GNG4: variants seen among roughly 807,000 people sequenced by gnomAD.
The protein encoded by GNG4 is guanine nucleotide-binding protein G(I)/G(S)/G(O) subunit gamma-4.
In GNG4, 4 loss-of-function variants were observed where a neutral mutation model predicts 5.8. The ratio of observed to expected loss-of-function variants is 0.69; its 90% CI spans 0.34 to 1.57. The LOEUF is 1.57. Among genes scored for constraint, GNG4 ranks in the 40% most tolerant of loss-of-function variants. The pLI is 0.06. For missense variants in GNG4, 96 were observed against 95.1 expected (o/e 1.01, Z -0.04); for synonymous variants, 29 against 32.9 (o/e 0.88, Z 0.41).
At position 235,589,765 on chromosome 1, in the gene GNG4, T is replaced by C. The variant is rs578251905; in HGVS notation, c.-11+5635A>G. On this transcript the variant is annotated intron_variant, in intron 2 of 3. Transcript: ENST00000391854. ...GTTGTGTTTGCAGCTGCCAGAGCCATAAAACCACTGGGGAATCAACCAAGG... is the reference window on the plus strand; with the variant it reads ...GTTGTGTTTGCAGCTGCCAGAGCCACAAAACCACTGGGGAATCAACCAAGG... Among the ~76,000 whole-genome samples the C allele has an allele frequency of 2.4e-4, 37 of 152,280 alleles. No homozygotes were observed. In the South Asian group the frequency reaches 7.7e-3, roughly 32 times the overall value.
intron 2 of GNG4, among the ~76,000 whole-genome samples, chr1:235,591,043 A>G (rs1687949022): frequency 6.6e-6 from 1 of 152,188 alleles, no homozygotes; most frequent in African/African-American, 2.4e-5. Context: ...CACGGACCAC[A>G]CTTTGAGTAG....
chr1:235,648,619 T>A lies in GNG4; in HGVS notation c.-123+1043A>T, dbSNP rs2102993019. ...GAGGCATTCGCCGCTGCAAATTTCC[T>A]GTCCACTGTGGGAAGCGGCACACCT... On this transcript the variant is annotated intron_variant, in intron 1 of 3. Coordinates refer to ENST00000391854, the MANE Select transcript of GNG4 (RefSeq NM_001098722.2). The surrounding 1 kb of genome is among the most constrained non-coding windows in gnomAD (Gnocchi z 5.0). Among the ~76,000 whole-genome samples the A allele has an allele frequency of 6.6e-6, 1 of 152,352 alleles. No individual in the cohort carries two copies. Among genetic ancestry groups the A allele is most frequent in the East Asian group, 1.9e-4 (1 of 5,176 alleles).
rs116732498 is a variant in GNG4 at position 235,588,681 on chromosome 1, G to A, written c.-10-4833C>T. Among the ~76,000 whole-genome samples, 376 of 151,576 alleles carry A rather than the reference G, an allele frequency of 2.5e-3. 1 individual carries two copies. The highest frequency in any genetic ancestry group is 8.8e-3 in the African/African-American group (365 of 41,282). ...GAGCTACCTGGCAATAGGACTCCTT[G>A]CCCCAAATCATCTCCCCCTCCCTTC... On this transcript the variant is annotated intron_variant, in intron 2 of 3. Coordinates refer to ENST00000391854, the MANE Select transcript of GNG4 (RefSeq NM_001098722.2).
intron 3 of GNG4, among the ~76,000 whole-genome samples, chr1:235,572,084 C>T (rs1301831272): frequency 1.3e-5 from 2 of 152,198 alleles, no homozygotes; most frequent in Non-Finnish European, 2.9e-5. Context: ...GATCCTCCTG[C>T]CTTGGCCTCC....
intron 1 of GNG4, among the ~76,000 whole-genome samples, chr1:235,600,466 G>A (rs1688236132): frequency 6.6e-6 from 1 of 150,784 alleles, no homozygotes; most frequent in South Asian, 2.1e-4. Context: ...AAGAGAGAGG[G>A]TCTTGCTCTG....
At chr1:235,555,593 C>A (rs1282060107) in intron 3 of GNG4, among the ~76,000 whole-genome samples, 1 of 150,982 alleles carries the variant, frequency 6.6e-6, no homozygotes, top group Non-Finnish European at 1.5e-5. Context: ...GCAGGGACAT[C>A]GCTTGAGTCC....
At chr1:235,562,683 AAAG>A (rs1170690111) in intron 3 of GNG4, among the ~76,000 whole-genome samples, 59 of 151,422 alleles carry the variant, frequency 3.9e-4, no homozygotes, top group African/African-American at 1.1e-3. Flanking sequence ...GAAAAAAAAA[AAAG>A]AAGAAAATTT....
intron 3 of GNG4, among the ~76,000 whole-genome samples, chr1:235,569,812 C>T (rs182959727): frequency 1.9e-3 from 286 of 152,030 alleles, no homozygotes; most frequent in African/African-American, 6.3e-3. Context: ...GTGATCCGTC[C>T]GCCTCGGCCT....
chr1:235,599,607 C>A (rs1688209279), intron 1 of GNG4, among the ~76,000 whole-genome samples: 1 of 152,280 alleles, frequency 6.6e-6, no homozygotes, highest in Non-Finnish European at 1.5e-5. Context: ...TGAGGCATTG[C>A]ACCCAGCCGA....
chr1:235,575,672 C>T (rs1687465971), intron 3 of GNG4, among the ~76,000 whole-genome samples: 2 of 152,208 alleles, frequency 1.3e-5, no homozygotes, highest in Non-Finnish European at 2.9e-5. Flanking sequence ...TTGGCCATTC[C>T]ATCAGTTGCT....
chr1:235,590,512 A>C (rs561501337), intron 2 of GNG4, among the ~76,000 whole-genome samples: 2 of 152,114 alleles, frequency 1.3e-5, no homozygotes, highest in African/African-American at 4.8e-5. Context: ...CTCAGTAACT[A>C]AAGGAAGAGA....
intron 3 of GNG4, among the ~76,000 whole-genome samples, chr1:235,568,936 C>T (rs1213344124): frequency 6.6e-6 from 1 of 152,000 alleles, no homozygotes; most frequent in Non-Finnish European, 1.5e-5. Flanking sequence ...AAGCAATTCT[C>T]CTGCCTCAGC....
intron 3 of GNG4, among the ~76,000 whole-genome samples, chr1:235,555,851 A>C (rs1012000672): frequency 3.3e-5 from 5 of 152,066 alleles, no homozygotes; most frequent in African/African-American, 1.2e-4. Context: ...TAAAAACATA[A>C]AATTTACTCT....
intron 1 of GNG4, among the ~76,000 whole-genome samples, chr1:235,635,718 A>T (rs1451876617): frequency 1.3e-5 from 2 of 152,076 alleles, no homozygotes; most frequent in South Asian, 2.1e-4. Flanking sequence ...ACATGGCTGT[A>T]TTTTCAGTAT....
intron 2 of GNG4, among the ~76,000 whole-genome samples, chr1:235,593,276 T>A (rs556204943): frequency 6.6e-6 from 1 of 152,184 alleles, no homozygotes; most frequent in Admixed American, 6.5e-5. Flanking sequence ...ATGGGCTGCA[T>A]CTTGCAGCAC....
intron 3 of GNG4, among the ~76,000 whole-genome samples, chr1:235,557,797 T>G (rs1050773102): frequency 2.0e-5 from 3 of 152,108 alleles, no homozygotes; most frequent in African/African-American, 7.2e-5. Flanking sequence ...GGGGGACAGC[T>G]CAGTCGAGGA....
chr1:235,570,797 G>C (rs1404916130), intron 3 of GNG4, among the ~76,000 whole-genome samples: 1 of 151,696 alleles, frequency 6.6e-6, no homozygotes, highest in African/African-American at 2.4e-5. Context: ...CCAGGTTTAG[G>C]TGATCCTCCC....
At chr1:235,630,285 A>G (rs1688904947) in intron 1 of GNG4, among the ~76,000 whole-genome samples, 1 of 152,216 alleles carries the variant, frequency 6.6e-6, no homozygotes, top group African/African-American at 2.4e-5. Flanking sequence ...CTCTTGTGGG[A>G]CTATTTCAGA....
chr1:235,614,328 ACT>A (rs1357351794), intron 1 of GNG4, among the ~76,000 whole-genome samples: 2 of 142,794 alleles, frequency 1.4e-5, no homozygotes, highest in Non-Finnish European at 3.1e-5. Context: ...TATTTTTATG[ACT>A]CTTTTCACAA....
Sources: gnomAD v4.1 joint callset for allele counts (sites outside exome capture counted in the v4.1 genomes callset) on GRCh38, gnomAD v4.1.1 for gene constraint, Gnocchi (gnomAD v3.1) non-coding constraint, MANE v1.5 for transcripts, NCBI Gene and HGNC (gene_info 2026-07-23, HGNC 2026-07-21) for gene names.